Variants in BRAP observed in about 807,000 individuals in gnomAD.
The protein encoded by BRAP is BRCA1 associated protein.
BRAP carries 42 observed loss-of-function variants against 73.4 expected under a neutral mutation model. The observed-to-expected ratio is 0.57, with a 90% CI of 0.45 to 0.74. The LOEUF (loss-of-function observed/expected upper bound fraction) is 0.74, where lower values mean the gene tolerates loss of function less well. Ranked by LOEUF, BRAP falls within the 30% of genes least tolerant of loss-of-function variation. The probability of loss-of-function intolerance (pLI) is 0.00; values close to 1 mark genes in which losing one functional copy is unlikely to be tolerated. For missense variants in BRAP, 593 were observed against 751.4 expected (o/e 0.79, Z 2.46); for synonymous variants, 255 against 267.4 (o/e 0.95, Z 0.45).
At chr12:111,679,520 G>A (rs1223178063) in intron 3 of BRAP, among the ~76,000 whole-genome samples, 180 bp from the exon 4 acceptor site, 3 of 152,074 alleles carry the variant, frequency 2.0e-5, no homozygotes, top group Non-Finnish European at 4.4e-5. Context: ...CATTTATTAC[G>A]GTTATAAATC....
At chr12:111,682,071 A>G (rs941324651) in intron 2 of BRAP, among the ~76,000 whole-genome samples, 1 of 152,240 alleles carries the variant, frequency 6.6e-6, no homozygotes, top group Admixed American at 6.5e-5. Flanking sequence ...TGGCTATTAC[A>G]TTTGGCAATA....
At chr12:111,648,117 G>GTTT (rs1378755123) in intron 11 of BRAP, among the ~76,000 whole-genome samples, 1 of 151,758 alleles carries the variant, frequency 6.6e-6, no homozygotes, top group Non-Finnish European at 1.5e-5. Context: ...GGCCAACATG[G>GTTT]TGAAACCCCG....
intron 6 of BRAP, among the ~76,000 whole-genome samples, chr12:111,662,011 T>C (rs1328391328): frequency 1.3e-5 from 2 of 152,080 alleles, no homozygotes; most frequent in Admixed American, 6.6e-5. Context: ...GAAATGCACA[T>C]GATATCTCAC....
rs1053820207 is a variant in BRAP at position 111,643,900 on chromosome 12, C to A, written c.*299G>T. ...GTCAAATACGCCAACTCCATAAATA[C>A]AATGGAAAAATGCACAGCAGAGTTG... is the stretch of plus-strand genomic sequence containing the variant. On this transcript the variant is annotated 3_prime_UTR_variant, in exon 12 of 12. Coordinates refer to ENST00000419234, the MANE Select transcript of BRAP (RefSeq NM_006768.5). The A allele has an allele frequency of 1.4e-5, 5 of 355,072 alleles. No homozygotes were observed. Among genetic ancestry groups the A allele is most frequent in the Non-Finnish European group, 5.1e-6 (1 of 195,110 alleles). The allele number at this position is 355,072 out of a possible 1,614,324, so 22.0% of individuals were successfully genotyped here.
chr12:111,651,225 T>TTAATAATAATAATAATAATAA (rs112724065), intron 10 of BRAP, among the ~76,000 whole-genome samples: 6 of 147,066 alleles, frequency 4.1e-5, no homozygotes, highest in African/African-American at 1.5e-4. Context: ...AGCACTAGCT[T>TTAATAATAATAATAATAATAA]TAATAATAAT....
chr12:111,664,459 A>G (rs1324576911), intron 6 of BRAP, among the ~76,000 whole-genome samples: 2 of 152,240 alleles, frequency 1.3e-5, no homozygotes, highest in Non-Finnish European at 2.9e-5. Context: ...GCTTTGTTCA[A>G]GGCAACTGGA....
At position 111,685,453 on chromosome 12, in the gene BRAP, G is replaced by C. The variant is rs7299380; in HGVS notation, c.82+258C>G. 0.014 allele frequency: 10,291 copies of C among 759,388 alleles called. 799 individuals carry two copies. The African/African-American group carries it at 0.17, about 12-fold the overall frequency. 47.0% of individuals were successfully genotyped at this position (759,388 alleles called of 1,614,324 possible). A position where few individuals can be genotyped will look rare whatever the true frequency, so the allele number is the denominator to read the frequency against. On this transcript the variant is annotated intron_variant, in intron 1 of 11. Transcript: ENST00000419234. ...GACAAACACACCACTCGACTATCTC[G>C]AGAGGGAGACGCGCCAGGTATAAAC...
At chr12:111,650,130 A>C in intron 10 of BRAP, 88 bp from the exon 11 acceptor site, 1 of 950,506 alleles carries the variant, frequency 1.1e-6, no homozygotes, top group Non-Finnish European at 1.6e-6. Flanking sequence ...CCCCCCAATT[A>C]TCTGTATATA....
In BRAP at chr12:111,644,076, A is replaced by C. The variant is rs993779478; in HGVS notation, c.*123T>G. The stretch of plus-strand genomic sequence containing the variant: ...CACACACTAGCAAATGAAAGAGCCA[A>C]ACAACTGTGGCTTGATCCTCACTTG... On this transcript the variant is annotated 3_prime_UTR_variant, in exon 12 of 12. Coordinates refer to ENST00000419234, the MANE Select transcript of BRAP (RefSeq NM_006768.5). 6 of 1,387,768 alleles carry C rather than the reference A, an allele frequency of 4.3e-6. No individual in the cohort carries two copies. The African/African-American group carries it at 8.7e-5, about 20-fold the overall frequency. 86.0% of individuals were successfully genotyped at this position (1,387,768 alleles called of 1,614,324 possible).
rs912802435 is a variant in BRAP, at chr12:111,643,217, C to G, written c.*982G>C. On this transcript the variant is annotated 3_prime_UTR_variant, in exon 12 of 12. Transcript: ENST00000419234. ...AAATTCTAATTTTAGGATTTAGAAA[C>G]AGCTTTTGGTTATATCTTGAAAGCG... The G allele has an allele frequency of 6.6e-6, 1 of 152,148 alleles. No individual in the cohort carries two copies. 9.4% of individuals were successfully genotyped at this position (152,148 alleles called of 1,614,324 possible).
In BRAP at chr12:111,644,515, T is replaced by C. The variant is rs369273112; in HGVS notation, c.1463A>G (p.Lys488Arg). ...ACACTTGTTCATTTCCTGCTCCTCTTTGAGCTCGTTGGTGAGTTTGGCCAC... is the reference window on the plus strand; with the variant it reads ...ACACTTGTTCATTTCCTGCTCCTCTCTGAGCTCGTTGGTGAGTTTGGCCAC... ...TKVAKLTNEL[K>R]EEQEMNKCLR... Residue 488 changes from lysine (K) to arginine (R), a missense_variant, in exon 12 of 12, where the codon AAA becomes AGA. This residue lies in a region of BRAP where 143 missense variants were observed against 190.4 expected (regional missense o/e 0.75). Coordinates refer to ENST00000419234, the MANE Select transcript of BRAP (RefSeq NM_006768.5). The C allele has an allele frequency of 1.7e-5, 27 of 1,613,994 alleles. No individual in the cohort carries two copies. In the East Asian group the frequency reaches 1.8e-4, roughly 11 times the overall value.
At chr12:111,664,986 C>T (rs1566119506) in intron 6 of BRAP, among the ~76,000 whole-genome samples, 2 of 152,106 alleles carry the variant, frequency 1.3e-5, no homozygotes, top group Admixed American at 6.6e-5. Context: ...TTCTGGGTTC[C>T]CCTCTGTACT....
chr12:111,678,707 G>A (rs77160475), intron 4 of BRAP, among the ~76,000 whole-genome samples: 1 of 50,970 alleles, frequency 2.0e-5, no homozygotes, highest in African/African-American at 8.1e-5. Flanking sequence ...TTTTTTTTTT[G>A]AGACGGAGTC....
chr12:111,660,010 G>A (rs1405877013), intron 7 of BRAP, among the ~76,000 whole-genome samples: 1 of 151,360 alleles, frequency 6.6e-6, no homozygotes, highest in Non-Finnish European at 1.5e-5. Context: ...GGTATTTGAG[G>A]TTACAGTGAA....
At chr12:111,678,950 C>A (rs73418396) in intron 4 of BRAP, among the ~76,000 whole-genome samples, 316 of 148,314 alleles carry the variant, frequency 2.1e-3, no homozygotes, top group African/African-American at 7.3e-3. Context: ...CTCATCTCTA[C>A]CGAAAAAAAA....
chr12:111,657,715 T>C (rs947202021), intron 9 of BRAP, among the ~76,000 whole-genome samples: 1 of 151,948 alleles, frequency 6.6e-6, no homozygotes, highest in African/African-American at 2.4e-5. Flanking sequence ...TTGTCTCTAC[T>C]AAAAATACAA....
At chr12:111,680,525 C>T (rs1383576179) in intron 3 of BRAP, among the ~76,000 whole-genome samples, 1 of 131,624 alleles carries the variant, frequency 7.6e-6, no homozygotes, top group African/African-American at 3.3e-5. Flanking sequence ...GATGAAACCC[C>T]ATCTCTGCCA....
chr12:111,659,369 A>G (rs776514799), intron 7 of BRAP, 24 bp from the exon 8 acceptor site: 2 of 1,599,238 alleles, frequency 1.3e-6, no homozygotes, highest in South Asian at 2.2e-5. Context: ...TAAGATCTTA[A>G]TTAGTTAAAT....
At chr12:111,682,677 C>T (rs955648201) in intron 2 of BRAP, among the ~76,000 whole-genome samples, 27 of 151,886 alleles carry the variant, frequency 1.8e-4, no homozygotes, top group African/African-American at 5.8e-4. Flanking sequence ...TTTGGGAGGC[C>T]GAGGCAGGTG....
Sources: gnomAD v4.1 joint callset for allele counts (sites outside exome capture counted in the v4.1 genomes callset) on GRCh38, gnomAD v4.1.1 for gene constraint, gnomAD v4.1.1 regional missense constraint, MANE v1.5 for transcripts, NCBI Gene and HGNC (gene_info 2026-07-23, HGNC 2026-07-21) for gene names.